Variants in TEAD3 observed in about 807,000 individuals in gnomAD.
TEAD3 encodes TEA domain transcription factor 3.
TEAD3 carries 15 observed loss-of-function variants against 55.6 expected under a neutral mutation model. The observed-to-expected ratio is 0.27, with a 90% CI of 0.18 to 0.42. The LOEUF is 0.42. TEAD3 is among the 10% of genes least tolerant of loss of function. The pLI is 1.00. For missense variants in TEAD3, 407 were observed against 576.8 expected (o/e 0.71, Z 3.01); for synonymous variants, 210 against 232.2 (o/e 0.90, Z 0.87).
chr6:35,491,005 G>A lies in TEAD3; in HGVS notation c.-49-4294C>T, dbSNP rs1197056390. Among the ~76,000 whole-genome samples the A allele has an allele frequency of 6.6e-6, 1 of 152,054 alleles. No homozygotes were observed. The highest frequency in any genetic ancestry group is 1.5e-5 in the Non-Finnish European group (1 of 67,998). On this transcript the variant is annotated intron_variant, in intron 1 of 12. Transcript: ENST00000639578. This position sits in a 1 kb window ranked among gnomAD's most constrained non-coding sequence, Gnocchi z 4.4. ...GTCAAGGGGAGGGAGACCAAGGCCG[G>A]GGTGGGGCCTGAGACAGACAGGAGG...
At position 35,483,451 on chromosome 6, in the gene TEAD3, G is replaced by T. The variant is rs1165039304; in HGVS notation, c.267+1109C>A. ...CATCACTCCCATCCACTCCCCTTCA[G>T]GTTTCTGTCACTACACTGCCACCTT... On this transcript the variant is annotated intron_variant, in intron 3 of 12. Coordinates refer to ENST00000639578, the Ensembl canonical transcript of TEAD3. The surrounding 1 kb of genome is among the most constrained non-coding windows in gnomAD (Gnocchi z 4.5). 6.6e-6 allele frequency among the ~76,000 whole-genome samples: 1 copy of T among 152,158 alleles called. No homozygotes were observed. Among genetic ancestry groups the T allele is most frequent in the Non-Finnish European group, 1.5e-5 (1 of 68,008 alleles).
intron 3 of TEAD3, 169 bp downstream of exon 4, chr6:35,480,143 A>G: frequency 6.5e-7 from 1 of 1,548,972 alleles, no homozygotes; most frequent in Non-Finnish European, 8.7e-7. Flanking sequence ...AGAAAGAAAG[A>G]GAAAAAGAAC....
downstream of TEAD3, chr6:35,474,386 A>G (rs1023834475): frequency 6.5e-6 from 1 of 152,860 alleles, no homozygotes; most frequent in African/African-American, 2.4e-5. Flanking sequence ...CCAGGGAGGT[A>G]GTATAAACCT....
chr6:35,486,003 G>A lies in TEAD3; in HGVS notation c.202+458C>T, dbSNP rs762181263. Among the ~76,000 whole-genome samples, 23 of 152,196 alleles carry A rather than the reference G, an allele frequency of 1.5e-4. No individual in the cohort carries two copies. Among genetic ancestry groups the A allele is most frequent in the Non-Finnish European group, 2.9e-4 (20 of 68,032 alleles). On this transcript the variant is annotated intron_variant, in intron 2 of 12. Transcript: ENST00000639578. This position sits in a 1 kb window ranked among gnomAD's most constrained non-coding sequence, Gnocchi z 7.3. Reference sequence around the variant, plus strand: ...GGGAAGGGGACTGAGGAGGGAACGCGTCCCCACAGCCCCAACGCAGGCCTT... The same window carrying A: ...GGGAAGGGGACTGAGGAGGGAACGCATCCCCACAGCCCCAACGCAGGCCTT...
chr6:35,488,138 G>GGGAACT lies in TEAD3; in HGVS notation c.-49-1433_-49-1428dup, dbSNP rs1435342180. On this transcript the variant is annotated intron_variant, in intron 1 of 12. Transcript: ENST00000639578. This position sits in a 1 kb window ranked among gnomAD's most constrained non-coding sequence, Gnocchi z 4.2. ...GGAACTGCCCCAGGAATTACAAAAA[G>GGGAACT]GGAACTGGTGAGGGAGCAGCAGAGA... 1.3e-5 allele frequency among the ~76,000 whole-genome samples: 2 copies of GGGAACT among 152,212 alleles called. No individual in the cohort carries two copies. The highest frequency in any genetic ancestry group is 2.9e-5 in the Non-Finnish European group (2 of 68,038).
intron 1 of TEAD3, among the ~76,000 whole-genome samples, chr6:35,493,532 A>G (rs957180195): frequency 2.0e-5 from 3 of 152,158 alleles, no homozygotes; most frequent in Non-Finnish European, 4.4e-5. Context: ...TCACCCACAC[A>G]CCGCATACCA....
Position 35,478,339 on chromosome 6 carries a change from C to A in TEAD3, c.481-15G>T. On this transcript the variant is annotated splice_polypyrimidine_tract_variant and intron_variant, in intron 6 of 12. Coordinates refer to ENST00000639578, the Ensembl canonical transcript of TEAD3. Reference sequence around the variant, plus strand: ...CTGCTCCAGAACTGCAGGGATGAGACAAGGCCCAGGGGCCCCTCAGCATCC... The same window carrying A: ...CTGCTCCAGAACTGCAGGGATGAGAAAAGGCCCAGGGGCCCCTCAGCATCC... The A allele has an allele frequency of 6.2e-7, 1 of 1,613,836 alleles. No individual in the cohort carries two copies. The highest frequency in any genetic ancestry group is 8.5e-7 in the Non-Finnish European group (1 of 1,179,858).
chr6:35,485,694 C>T lies in TEAD3; in HGVS notation c.202+767G>A, dbSNP rs895450401. Among the ~76,000 whole-genome samples the T allele has an allele frequency of 5.3e-5, 8 of 152,188 alleles. No homozygotes were observed. The highest frequency in any genetic ancestry group is 1.0e-4 in the Non-Finnish European group (7 of 68,034). ...GTGGAAGGCACCCTGGACCATCTGC[C>T]TGCCCCCAAGGTGGGGCTCTGGGGC... is the stretch of plus-strand genomic sequence containing the variant. On this transcript the variant is annotated intron_variant, in intron 2 of 12. Transcript: ENST00000639578. The surrounding 1 kb of genome is among the most constrained non-coding windows in gnomAD (Gnocchi z 4.3).
chr6:35,494,437 G>A (rs947503756), intron 1 of TEAD3, among the ~76,000 whole-genome samples: 2 of 152,186 alleles, frequency 1.3e-5, no homozygotes, highest in Non-Finnish European at 1.5e-5. Context: ...AGACAGCCCA[G>A]GGCTGGCACA....
At chr6:35,478,765 C>A (rs1371269820) in intron 5 of TEAD3, among the ~76,000 whole-genome samples, 194 bp from the exon 6 acceptor site, 1 of 152,192 alleles carries the variant, frequency 6.6e-6, no homozygotes, top group African/African-American at 2.4e-5. Context: ...GTCTCAGTCC[C>A]CCAAGTGCCC....
At chr6:35,481,344 G>A (rs1431173096) in intron 3 of TEAD3, among the ~76,000 whole-genome samples, 2 of 152,146 alleles carry the variant, frequency 1.3e-5, no homozygotes, top group East Asian at 1.9e-4. Context: ...CCTTGACGCC[G>A]CTTCACGCTT....
At position 35,480,384 on chromosome 6, in the gene TEAD3, G is replaced by A. The variant is rs368215023; in HGVS notation, c.268-262C>T. On this transcript the variant is annotated intron_variant, in intron 3 of 12. Transcript: ENST00000639578. ...GTATGTGGCTGGACACCTAGGGGCC[G>A]CCCCGCGCCCCGCCAGAGAGGAAAA... 262 of 1,613,226 alleles carry A rather than the reference G, an allele frequency of 1.6e-4. No individual in the cohort carries two copies. The highest frequency in any genetic ancestry group is 2.6e-4 in the South Asian group (24 of 90,942).
At chr6:35,477,172 G>A in intron 8 of TEAD3, 139 bp downstream of exon 8, 1 of 825,756 alleles carries the variant, frequency 1.2e-6, no homozygotes, top group Non-Finnish European at 1.9e-6. Flanking sequence ...CAAGGTAAAG[G>A]GGCTATTCCT....
At chr6:35,490,231 C>T (rs977466472) in intron 1 of TEAD3, among the ~76,000 whole-genome samples, 1 of 152,186 alleles carries the variant, frequency 6.6e-6, no homozygotes, top group Non-Finnish European at 1.5e-5. Flanking sequence ...CCGCCCCCCG[C>T]GGGAGCACTG....
chr6:35,477,356 G>A lies in TEAD3; in HGVS notation c.547C>T (p.Gln183Ter). 1 of 1,602,974 alleles carries A rather than the reference G, an allele frequency of 6.2e-7. No homozygotes were observed. Among genetic ancestry groups the A allele is most frequent in the Non-Finnish European group, 8.5e-7 (1 of 1,179,732 alleles). Residue 183 changes from glutamine (Q) to a stop codon, truncating the protein, a stop_gained, in exon 8 of 13, where the codon CAG (glutamine) becomes TAG (stop). Transcript: ENST00000639578. LOFTEE classifies it high-confidence loss of function. ...GGCGGCTGGATGGGGTAGGCTGGCTGTGCAAAGGGCTTGATGCTGCAGACA... is the reference window on the plus strand; with the variant it reads ...GGCGGCTGGATGGGGTAGGCTGGCTATGCAAAGGGCTTGATGCTGCAGACA...
intron 1 of TEAD3, among the ~76,000 whole-genome samples, chr6:35,489,827 A>T (rs1768470404): frequency 1.3e-5 from 2 of 152,312 alleles, no homozygotes; most frequent in East Asian, 3.9e-4. Context: ...TGAGGCCAGG[A>T]GTTCAAGACC....
downstream of TEAD3, chr6:35,474,817 A>G (rs1290828547): frequency 1.9e-5 from 10 of 518,442 alleles, no homozygotes; most frequent in Middle Eastern, 1.0e-3. Flanking sequence ...AGCGCCCCGG[A>G]CAGGCTGCCC....
chr6:35,480,930 G>A (rs1272004580), intron 3 of TEAD3, among the ~76,000 whole-genome samples: 6 of 151,998 alleles, frequency 3.9e-5, no homozygotes, highest in Non-Finnish European at 5.9e-5. Context: ...TGCTCCTGTT[G>A]GCCACTAGCT....
chr6:35,480,447 G>T, intron 3 of TEAD3, 73 bp from the exon 4 acceptor site: 1 of 1,526,334 alleles, frequency 6.6e-7, no homozygotes, highest in Non-Finnish European at 9.0e-7. Flanking sequence ...GGGTGGCCGC[G>T]GGCAAGGAGC....
Sources: gnomAD v4.1 joint callset for allele counts (sites outside exome capture counted in the v4.1 genomes callset) on GRCh38, gnomAD v4.1.1 for gene constraint, Gnocchi (gnomAD v3.1) non-coding constraint, MANE v1.5 for transcripts, NCBI Gene and HGNC (gene_info 2026-07-23, HGNC 2026-07-21) for gene names.